Variants in PCDHGB3 observed in about 807,000 individuals in gnomAD.
The protein encoded by PCDHGB3 is protocadherin gamma-B3.
Under a neutral mutation model 59.2 loss-of-function variants are expected in PCDHGB3, and 40 were observed. That is an observed-to-expected ratio of 0.68 (90% CI 0.52 to 0.88). The LOEUF (loss-of-function observed/expected upper bound fraction) is 0.88. PCDHGB3 is among the 40% of genes least tolerant of loss of function. The pLI, the probability that PCDHGB3 is intolerant of heterozygous loss-of-function variation, is 0.00. For missense variants in PCDHGB3, 1,309 were observed against 1,187.9 expected (o/e 1.10, Z -1.50); for synonymous variants, 581 against 503.6 (o/e 1.15, Z -2.06).
At position 141,371,143 on chromosome 5, in the gene PCDHGB3, A is replaced by T. The variant is rs199674539; in HGVS notation, c.749A>T (p.Asn250Ile). 4 of 1,613,904 alleles carry T rather than the reference A, an allele frequency of 2.5e-6. No homozygotes were observed. Among genetic ancestry groups the T allele is most frequent in the Non-Finnish European group, 3.4e-6 (4 of 1,179,904 alleles). ...PVFTQDMYRVNVAENLPAGSS... is the reference protein window; with the variant it reads ...PVFTQDMYRVIVAENLPAGSS... ...TTTACTCAGGACATGTACAGGGTCA[A>T]TGTTGCAGAGAACCTGCCCGCTGGC... is the stretch of plus-strand genomic sequence containing the variant. Residue 250 changes from asparagine (N) to isoleucine (I), a missense_variant, in exon 1 of 4, where the codon AAT (asparagine) becomes ATT (isoleucine). Physicochemically the swap from Asn to Ile is moderately radical, Grantham distance 149. Coordinates refer to ENST00000576222, the MANE Select transcript of PCDHGB3 (RefSeq NM_018924.5).
At chr5:141,392,746 G>T in intron 1 of PCDHGB3, 1 of 1,443,974 alleles carries the variant, frequency 6.9e-7, no homozygotes, top group South Asian at 1.5e-5. Flanking sequence ...CATAGCTGCG[G>T]CAAGAAACTA....
At chr5:141,423,429 A>G (rs1590473158) in intron 1 of PCDHGB3, 2 of 1,613,960 alleles carry the variant, frequency 1.2e-6, no homozygotes, top group African/African-American at 1.3e-5. Flanking sequence ...GCGGGTTGGC[A>G]GGTATGCCCA....
intron 1 of PCDHGB3, among the ~76,000 whole-genome samples, chr5:141,438,263 A>G (rs2097944986): frequency 6.6e-6 from 1 of 152,144 alleles, no homozygotes; most frequent in South Asian, 2.1e-4. Flanking sequence ...AAGAGACCAT[A>G]GAATCAAACA....
rs1479510412 is a variant in PCDHGB3 at position 141,370,414 on chromosome 5, G to A, written c.20G>A (p.Trp7Ter). 6.4e-7 allele frequency: 1 copy of A among 1,568,570 alleles called. No homozygotes were observed. Among genetic ancestry groups the A allele is most frequent in the Non-Finnish European group, 8.6e-7 (1 of 1,158,908 alleles). ...AGCGGGATGGGAAATAGCTCCGGAT[G>A]GAGGGGCCCAGCAGGGCAGAGGCGA... is the stretch of plus-strand genomic sequence containing the variant. MGNSSGWRGPAGQRRML... is the reference protein window; with the variant it reads MGNSSG The change falls in exon 1 of 4, where the codon TGG (tryptophan) becomes TAG (stop). Residue 7 changes from tryptophan to a stop codon, truncating the protein, a stop_gained. Coordinates refer to ENST00000576222, the MANE Select transcript of PCDHGB3 (RefSeq NM_018924.5). LOFTEE classifies it high-confidence loss of function.
chr5:141,371,345 T>TG lies in PCDHGB3; in HGVS notation c.955dup (p.Val319GlyfsTer14), dbSNP rs1178665977. The TG allele has an allele frequency of 6.2e-7, 1 of 1,613,878 alleles. No homozygotes were observed. The highest frequency in any genetic ancestry group is 8.5e-7 in the Non-Finnish European group (1 of 1,179,860). On this transcript the variant is annotated frameshift_variant, in exon 1 of 4. Transcript: ENST00000576222. LOFTEE classifies it high-confidence loss of function. ...TTGAAGAGAGAGATAGCTACACAAT[T>TG]GGGGTGGAAGCAAAGGATGGTGGAC...
At chr5:141,403,743 C>A (rs1165597254) in intron 1 of PCDHGB3, 1 of 1,613,856 alleles carries the variant, frequency 6.2e-7, no homozygotes, top group Non-Finnish European at 8.5e-7. Context: ...CTGCTTACTG[C>A]AACAGCCAGC....
intron 1 of PCDHGB3, chr5:141,440,034 A>T (rs995962283): frequency 6.5e-6 from 1 of 153,052 alleles, no homozygotes; most frequent in African/African-American, 2.4e-5. Context: ...AGTGTCGAGG[A>T]CATGCCCACT....
intron 1 of PCDHGB3, among the ~76,000 whole-genome samples, chr5:141,456,572 C>T (rs958661783): frequency 6.6e-6 from 1 of 152,168 alleles, no homozygotes; most frequent in Non-Finnish European, 1.5e-5. Flanking sequence ...CCACATTTTC[C>T]CTGAGCCTGT....
At chr5:141,395,207 T>C (rs1589256269) in intron 1 of PCDHGB3, 6 of 1,613,702 alleles carry the variant, frequency 3.7e-6, no homozygotes, top group Non-Finnish European at 5.1e-6. Context: ...TAGATTTTCA[T>C]GAATATAAGA....
intron 3 of PCDHGB3, among the ~76,000 whole-genome samples, chr5:141,509,419 T>C (rs2154594533): frequency 6.6e-6 from 1 of 152,216 alleles, no homozygotes; most frequent in South Asian, 2.1e-4. Flanking sequence ...CGAGCCCCAA[T>C]GAGTCAAACT....
At position 141,485,343 on chromosome 5, in the gene PCDHGB3, A is replaced by G; in HGVS notation, c.2416-9464A>G. ...GCTCAAGATTTCCTGCTGGATACGG[A>G]CAGTCTGTCAGCTCGCAGGCTGCAG... On this transcript the variant is annotated intron_variant, in intron 1 of 3. Transcript: ENST00000576222. This position sits in a 1 kb window ranked among gnomAD's most constrained non-coding sequence, Gnocchi z 5.7. 1 of 1,614,062 alleles carries G rather than the reference A, an allele frequency of 6.2e-7. No homozygotes were observed. Among genetic ancestry groups the G allele is most frequent in the Non-Finnish European group, 8.5e-7 (1 of 1,179,984 alleles).
rs1253223100 is a variant in PCDHGB3 at position 141,493,049 on chromosome 5, T to C, written c.2416-1758T>C. Among the ~76,000 whole-genome samples the C allele has an allele frequency of 6.6e-6, 1 of 152,188 alleles. No homozygotes were observed. Among genetic ancestry groups the C allele is most frequent in the Non-Finnish European group, 1.5e-5 (1 of 68,032 alleles). Reference sequence around the variant, plus strand: ...GCCCTTATGTGTGAGGAAACTACAATAGTAAAAAACACAAGTTTCTCCAAC... The same window carrying C: ...GCCCTTATGTGTGAGGAAACTACAACAGTAAAAAACACAAGTTTCTCCAAC... On this transcript the variant is annotated intron_variant, in intron 1 of 3. Transcript: ENST00000576222. This position sits in a 1 kb window ranked among gnomAD's most constrained non-coding sequence, Gnocchi z 4.3.
rs747911536 is a variant in PCDHGB3, at chr5:141,372,295, A to T, written c.1901A>T (p.Asp634Val). The change falls in exon 1 of 4, where the codon GAC becomes GTC. Residue 634 changes from aspartate to valine, a missense_variant. Coordinates refer to ENST00000576222, the MANE Select transcript of PCDHGB3 (RefSeq NM_018924.5). The part of the protein sequence containing the change: ...GEVRTARTLG[D>V]REAARQRLLV... The stretch of plus-strand genomic sequence containing the variant: ...GTGCGCACGGCGCGTACCTTGGGCG[A>T]CAGGGAGGCCGCCCGCCAGCGCCTG... 1.2e-6 allele frequency: 2 copies of T among 1,613,304 alleles called. No homozygotes were observed. Among genetic ancestry groups the T allele is most frequent in the Non-Finnish European group, 1.7e-6 (2 of 1,179,890 alleles).
At position 141,372,274 on chromosome 5, in the gene PCDHGB3, G is replaced by A. The variant is rs767978142; in HGVS notation, c.1880G>A (p.Arg627His). Residue 627 changes from arginine to histidine, a missense_variant, in exon 1 of 4, where the codon CGC becomes CAC. Transcript: ENST00000576222. ...CTGGGCCTGCGCACGGGTGAGGTGC[G>A]CACGGCGCGTACCTTGGGCGACAGG... is the stretch of plus-strand genomic sequence containing the variant. ...FSLGLRTGEV[R>H]TARTLGDREA... The A allele has an allele frequency of 6.2e-7, 1 of 1,613,078 alleles. No homozygotes were observed. Among genetic ancestry groups the A allele is most frequent in the East Asian group, 2.2e-5 (1 of 44,878 alleles).
chr5:141,431,318 G>C lies in PCDHGB3; in HGVS notation c.2415+58509G>C. 1 of 1,614,086 alleles carries C rather than the reference G, an allele frequency of 6.2e-7. No homozygotes were observed. Among genetic ancestry groups the C allele is most frequent in the African/African-American group, 1.3e-5 (1 of 75,050 alleles). On this transcript the variant is annotated intron_variant, in intron 1 of 3. Transcript: ENST00000576222. The surrounding 1 kb of genome is among the most constrained non-coding windows in gnomAD (Gnocchi z 4.8). ...CTCCCTCATCGTGCAAAATGGAGCC[G>C]ACGGTAGTAAGTACCCCGAATTGGT...
intron 1 of PCDHGB3, chr5:141,375,104 A>G (rs762208267): frequency 6.2e-7 from 1 of 1,613,956 alleles, no homozygotes; most frequent in Non-Finnish European, 8.5e-7. Context: ...CTTGGATGTC[A>G]ATGATAATGT....
At chr5:141,436,305 T>C (rs2097810667) in intron 1 of PCDHGB3, among the ~76,000 whole-genome samples, 1 of 152,184 alleles carries the variant, frequency 6.6e-6, no homozygotes. Flanking sequence ...AGTTAGAGCA[T>C]GAATAGTCAA....
intron 1 of PCDHGB3, chr5:141,374,486 A>C: frequency 6.2e-7 from 1 of 1,611,570 alleles, no homozygotes; most frequent in Non-Finnish European, 8.5e-7. Context: ...CCGATTCTTA[A>C]AGGAAGAATT....
Position 141,490,778 on chromosome 5 carries a change from A to T in PCDHGB3, c.2416-4029A>T, listed in dbSNP as rs964301520. The T allele has an allele frequency of 5.6e-6, 9 of 1,614,098 alleles. No individual in the cohort carries two copies. The highest frequency in any genetic ancestry group is 7.6e-6 in the Non-Finnish European group (9 of 1,179,962). On this transcript the variant is annotated intron_variant, in intron 1 of 3. Transcript: ENST00000576222. This position sits in a 1 kb window ranked among gnomAD's most constrained non-coding sequence, Gnocchi z 5.4. ...TCCTTTGTGTATGTCAACCCAGAGG[A>T]TGGACGGATCTTTGCCCAGCGTACC... is the stretch of plus-strand genomic sequence containing the variant.
Sources: allele counts gnomAD v4.1 joint callset (sites outside exome capture counted in the v4.1 genomes callset), GRCh38; gene constraint gnomAD v4.1.1; non-coding constraint Gnocchi (gnomAD v3.1); transcripts MANE v1.5; gene names NCBI Gene and HGNC (gene_info 2026-07-23, HGNC 2026-07-21).